The following DDAH1 variants were observed in gnomAD, a reference collection of about 807,000 sequenced individuals.
DDAH1 encodes the protein dimethylarginine dimethylaminohydrolase 1.
A neutral mutation model predicts 28.8 loss-of-function variants in DDAH1; 19 were observed. That is an observed-to-expected ratio of 0.66 (90% CI 0.46 to 0.97). DDAH1 has a LOEUF of 0.97. DDAH1 is among the 50% of genes least tolerant of loss of function. The pLI is 0.00. For synonymous variants in DDAH1, 153 were observed against 154.4 expected, an observed-to-expected ratio of 0.99 and a Z score of 0.07; for missense variants, 326 against 375.9, an observed-to-expected ratio of 0.87 and a Z score of 1.10.
At chr1:85,476,734 T>G (rs992410049) in intron 2 of DDAH1, among the ~76,000 whole-genome samples, 2 of 152,206 alleles carry the variant, frequency 1.3e-5, no homozygotes, top group Non-Finnish European at 2.9e-5. Context: ...ACACTTTCTC[T>G]TGATGGAAGC....
At chr1:85,330,604 C>T (rs181842006) in intron 4 of DDAH1, among the ~76,000 whole-genome samples, 1 of 152,260 alleles carries the variant, frequency 6.6e-6, no homozygotes, top group East Asian at 1.9e-4. Context: ...TCCTGAGAGG[C>T]CCCAGACTCA....
chr1:85,561,979 C>T (rs1395710158), intron 1 of DDAH1, among the ~76,000 whole-genome samples: 1 of 152,126 alleles, frequency 6.6e-6, no homozygotes, highest in African/African-American at 2.4e-5. Context: ...CAAGGGTCAC[C>T]CTGTTTGACA....
At chr1:85,572,464 C>G (rs1371464203) in intron 1 of DDAH1, among the ~76,000 whole-genome samples, 1 of 152,114 alleles carries the variant, frequency 6.6e-6, no homozygotes, top group African/African-American at 2.4e-5. Flanking sequence ...CCTTAACAAC[C>G]CTGCCCCCTT....
At chr1:85,390,955 T>C (rs910425310) in intron 1 of DDAH1, among the ~76,000 whole-genome samples, 3 of 152,204 alleles carry the variant, frequency 2.0e-5, no homozygotes, top group African/African-American at 4.8e-5. Flanking sequence ...CCCAAGTTTC[T>C]ATAATTAGGC....
chr1:85,513,758 A>G (rs563309351), intron 1 of DDAH1, among the ~76,000 whole-genome samples: 2 of 152,378 alleles, frequency 1.3e-5, no homozygotes, highest in South Asian at 4.1e-4. Context: ...AAAAATGCTC[A>G]TCATCACTGG....
chr1:85,464,887 C>T lies in DDAH1; in HGVS notation c.159G>A (p.Val53=). 2.5e-6 allele frequency: 4 copies of T among 1,579,512 alleles called. No individual in the cohort carries two copies. Among genetic ancestry groups the T allele is most frequent in the Non-Finnish European group, 3.4e-6 (4 of 1,172,476 alleles). ...AERQHQLYVG[V]LGSKLGLQVV... ...CCTGCAGCCCCAGCTTGCTGCCCAG[C>T]ACGCCCACGTAGAGCTGGTGCTGCC... The change falls in exon 1 of 6, where the codon GTG becomes GTA. Residue 53 remains valine (V), a synonymous_variant. Coordinates refer to ENST00000284031, the MANE Select transcript of DDAH1 (RefSeq NM_012137.4). This position sits in a 1 kb window ranked among gnomAD's most constrained non-coding sequence, Gnocchi z 4.4.
chr1:85,426,493 A>C (rs1653398518), intron 1 of DDAH1, among the ~76,000 whole-genome samples: 1 of 152,212 alleles, frequency 6.6e-6, no homozygotes, highest in African/African-American at 2.4e-5. Flanking sequence ...CTACTATTTG[A>C]GCAGTTCTGA....
chr1:85,398,078 G>A (rs1167059463), intron 1 of DDAH1, among the ~76,000 whole-genome samples: 5 of 151,542 alleles, frequency 3.3e-5, no homozygotes, highest in African/African-American at 1.2e-4. Flanking sequence ...TACAGTGAGT[G>A]AGTAAAAAGT....
chr1:85,543,663 G>A (rs1201794560), intron 1 of DDAH1, among the ~76,000 whole-genome samples: 2 of 152,062 alleles, frequency 1.3e-5, no homozygotes, highest in Non-Finnish European at 2.9e-5. Flanking sequence ...TGGGCAGCAT[G>A]GCACCATCTT....
Position 85,337,578 on chromosome 1 carries a change from C to T in DDAH1, c.598-12695G>A, listed in dbSNP as rs1356513744. ...AAGCAATTCTCCTGCCTCAGCCTCC[C>T]GAGTAGCTGGGACTACAGGCACACA... On this transcript the variant is annotated intron_variant, in intron 4 of 5. Transcript: ENST00000284031. Among the ~76,000 whole-genome samples, 13 of 151,856 alleles carry T rather than the reference C, an allele frequency of 8.6e-5. No homozygotes were observed. In the South Asian group the frequency reaches 1.3e-3, roughly 15 times the overall value.
At chr1:85,358,137 T>C (rs1286491702) in intron 2 of DDAH1, among the ~76,000 whole-genome samples, 2 of 152,206 alleles carry the variant, frequency 1.3e-5, no homozygotes, top group African/African-American at 4.8e-5. Flanking sequence ...ATTCATGCTG[T>C]AGAAGAATAA....
intron 1 of DDAH1, among the ~76,000 whole-genome samples, chr1:85,536,975 AT>A (rs1557738312): frequency 0.017 from 1,163 of 66,508 alleles, 15 homozygotes; most frequent in Admixed American, 0.024. Flanking sequence ...ATATATATAT[AT>A]ATATATATAC....
chr1:85,360,227 G>A (rs1649714619), intron 1 of DDAH1, among the ~76,000 whole-genome samples: 1 of 152,160 alleles, frequency 6.6e-6, no homozygotes, highest in Admixed American at 6.5e-5. Flanking sequence ...AGGATACAAA[G>A]TAAAATAAAT....
At position 85,535,017 on chromosome 1, in the gene DDAH1, T is replaced by A. The variant is rs1351616270; in HGVS notation, c.-122-38736A>T. Among the ~76,000 whole-genome samples, 161 of 132,028 alleles carry A rather than the reference T, an allele frequency of 1.2e-3. 6 individuals carry two copies. The highest frequency in any genetic ancestry group is 4.2e-4 in the Non-Finnish European group (26 of 62,360). The allele number at this position is 132,028 out of a possible 152,430, so 86.6% of individuals were successfully genotyped here. A position where few individuals can be genotyped will look rare whatever the true frequency, so the allele number is the denominator to read the frequency against. On this transcript the variant is annotated intron_variant, in intron 1 of 6. Coordinates refer to the DDAH1 transcript ENST00000426972. ...TGGGAGTGGATGTGCTTAGCAATTC[T>A]TTTTTTTTTTCCCGTGGAAATGAGA...
chr1:85,547,802 C>T (rs970220178), intron 1 of DDAH1, among the ~76,000 whole-genome samples: 1 of 152,118 alleles, frequency 6.6e-6, no homozygotes, highest in African/African-American at 2.4e-5. Flanking sequence ...CTGCAGAAGA[C>T]AAGACCAGAG....
chr1:85,506,304 A>T (rs1388630113), intron 1 of DDAH1, among the ~76,000 whole-genome samples: 1 of 152,214 alleles, frequency 6.6e-6, no homozygotes, highest in East Asian at 1.9e-4. Flanking sequence ...TCAGTGTGAA[A>T]GAGTGAGCAT....
intron 3 of DDAH1, 40 bp downstream of exon 3, chr1:85,351,466 G>C: frequency 6.8e-7 from 1 of 1,470,818 alleles, no homozygotes; most frequent in Non-Finnish European, 9.5e-7. Context: ...TATTTATTAA[G>C]TAATTGCTTT....
chr1:85,467,000 G>A (rs1422709482), upstream of DDAH1, among the ~76,000 whole-genome samples: 2 of 151,670 alleles, frequency 1.3e-5, no homozygotes, highest in African/African-American at 4.8e-5. Flanking sequence ...ACCACGCCTG[G>A]CTAATTTTGT....
chr1:85,339,138 T>C (rs1648316864), intron 4 of DDAH1, among the ~76,000 whole-genome samples: 1 of 152,102 alleles, frequency 6.6e-6, no homozygotes. Context: ...GTAGCCGAAC[T>C]TTATGGAGTT....
Sources: gnomAD v4.1 joint callset for allele counts (sites outside exome capture counted in the v4.1 genomes callset) on GRCh38, gnomAD v4.1.1 for gene constraint, Gnocchi (gnomAD v3.1) non-coding constraint, MANE v1.5 for transcripts, NCBI Gene and HGNC (gene_info 2026-07-23, HGNC 2026-07-21) for gene names.